Variants in SLC7A6OS observed in about 807,000 individuals in gnomAD.
SLC7A6OS encodes solute carrier family 7 member 6 opposite strand, also known as probable RNA polymerase II nuclear localization protein SLC7A6OS.
Under a neutral mutation model 34.3 loss-of-function variants are expected in SLC7A6OS, and 22 were observed. The ratio of observed to expected loss-of-function variants is 0.64; its 90% CI spans 0.46 to 0.92. The LOEUF (loss-of-function observed/expected upper bound fraction) is 0.92. SLC7A6OS is among the 40% of genes least tolerant of loss of function. The pLI is 0.00. For missense variants in SLC7A6OS, 434 were observed against 407.7 expected (o/e 1.06, Z -0.56); for synonymous variants, 199 against 165.0 (o/e 1.21, Z -1.58).
chr16:68,302,293 G>A, intron 4 of SLC7A6OS, 88 bp downstream of exon 4: 6 of 1,499,518 alleles, frequency 4.0e-6, no homozygotes, highest in Non-Finnish European at 5.5e-6. Flanking sequence ...GACAGAGAAG[G>A]AAAGGCAATT....
rs1464152038 is a variant in SLC7A6OS, at chr16:68,300,506, T to A, written c.*769A>T. The A allele has an allele frequency of 1.6e-6, 1 of 623,328 alleles. No homozygotes were observed. The highest frequency in any genetic ancestry group is 2.0e-6 in the Non-Finnish European group (1 of 499,196). The allele number at this position is 623,328 out of a possible 1,614,324, so 38.6% of individuals were successfully genotyped here. On this transcript the variant is annotated 3_prime_UTR_variant, in exon 5 of 5. Coordinates refer to ENST00000263997, the MANE Select transcript of SLC7A6OS (RefSeq NM_032178.3). Reference sequence around the variant, plus strand: ...AGTTCAGAAGGTACTTTGTTTTTCCTCCCTTGCCTTAAGTCCTTGGTATTT... The same window carrying A: ...AGTTCAGAAGGTACTTTGTTTTTCCACCCTTGCCTTAAGTCCTTGGTATTT...
chr16:68,306,252 CTT>C (rs1456918464), intron 2 of SLC7A6OS, among the ~76,000 whole-genome samples: 3 of 152,082 alleles, frequency 2.0e-5, no homozygotes, highest in Non-Finnish European at 2.9e-5. Context: ...GAGTTTCGCT[CTT>C]GTCACCCAGG....
At position 68,298,878 on chromosome 16, in the gene SLC7A6OS, A is replaced by C. The variant is rs1212101621; in HGVS notation, c.*2397T>G. The stretch of plus-strand genomic sequence containing the variant: ...AGAACCTGCTAGCTTGACATACCCC[A>C]TGGGCTTATCCTTAGGTTTTGGAAT... On this transcript the variant is annotated 3_prime_UTR_variant, in exon 5 of 5. Coordinates refer to ENST00000263997, the MANE Select transcript of SLC7A6OS (RefSeq NM_032178.3). The C allele has an allele frequency of 6.6e-6, 1 of 152,620 alleles. No homozygotes were observed. The highest frequency in any genetic ancestry group is 6.5e-5 in the Admixed American group (1 of 15,272). The allele number at this position is 152,620 out of a possible 1,614,324, so 9.5% of individuals were successfully genotyped here. A position where few individuals can be genotyped will look rare whatever the true frequency, so the allele number is the denominator to read the frequency against.
intron 2 of SLC7A6OS, among the ~76,000 whole-genome samples, chr16:68,307,262 C>T (rs917773583): frequency 9.2e-5 from 14 of 152,192 alleles, no homozygotes; most frequent in Non-Finnish European, 1.6e-4. Flanking sequence ...GTACCTAGCA[C>T]GCTATTTGAC....
rs1319402480 is a variant in SLC7A6OS, at chr16:68,300,995, G to A, written c.*280C>T. 1 of 1,066,996 alleles carries A rather than the reference G, an allele frequency of 9.4e-7. No individual in the cohort carries two copies. Among genetic ancestry groups the A allele is most frequent in the Non-Finnish European group, 1.1e-6 (1 of 883,370 alleles). 66.1% of individuals were successfully genotyped at this position (1,066,996 alleles called of 1,614,324 possible). A position where few individuals can be genotyped will look rare whatever the true frequency, so the allele number is the denominator to read the frequency against. ...CCAGGAAAAATTCCTGGGCCAAGAA[G>A]CTAAAGCTAAAGAAACCTTCCTTTT... On this transcript the variant is annotated 3_prime_UTR_variant, in exon 5 of 5. Coordinates refer to ENST00000263997, the MANE Select transcript of SLC7A6OS (RefSeq NM_032178.3).
In SLC7A6OS at chr16:68,298,543, C is replaced by T. The variant is rs2043214251; in HGVS notation, c.*2732G>A. The T allele has an allele frequency of 6.6e-6, 1 of 152,312 alleles. No homozygotes were observed. Among genetic ancestry groups the T allele is most frequent in the Admixed American group, 6.5e-5 (1 of 15,288 alleles). 9.4% of individuals were successfully genotyped at this position (152,312 alleles called of 1,614,324 possible). A position where few individuals can be genotyped will look rare whatever the true frequency, so the allele number is the denominator to read the frequency against. Reference sequence around the variant, plus strand: ...GTGTGGGTCACCGGGACAGTGTACTCCTCTCCTGCCAGCCTCCCCTTCCCC... The same window carrying T: ...GTGTGGGTCACCGGGACAGTGTACTTCTCTCCTGCCAGCCTCCCCTTCCCC... On this transcript the variant is annotated 3_prime_UTR_variant, in exon 5 of 5. Transcript: ENST00000263997.
rs138348680 is a variant in SLC7A6OS, at chr16:68,310,914, T to G, written c.13A>C (p.Arg5=). The G allele has an allele frequency of 3.8e-6, 6 of 1,586,568 alleles. No homozygotes were observed. In the African/African-American group the frequency reaches 4.0e-5, roughly 11 times the overall value. MEAA[R]TAVLRVKRKR... is the part of the protein sequence containing the mutation. Reference sequence around the variant, plus strand: ...CGCTTCACCCGGAGTACAGCGGTCCTGGCGGCCTCCATAGTGGCTGCCGCT... The same window carrying G: ...CGCTTCACCCGGAGTACAGCGGTCCGGGCGGCCTCCATAGTGGCTGCCGCT... Residue 5 remains arginine, a synonymous_variant, in exon 1 of 5, where the codon AGG becomes CGG. Transcript: ENST00000263997.
chr16:68,308,289 G>A (rs560297250), intron 2 of SLC7A6OS, among the ~76,000 whole-genome samples: 2 of 152,284 alleles, frequency 1.3e-5, no homozygotes, highest in South Asian at 4.1e-4. Context: ...GAATGTTTTG[G>A]TGAAAGATGT....
In SLC7A6OS at chr16:68,299,772, A is replaced by G. The variant is rs1367337629; in HGVS notation, c.*1503T>C. The G allele has an allele frequency of 6.6e-6, 1 of 152,222 alleles. No homozygotes were observed. Among genetic ancestry groups the G allele is most frequent in the Non-Finnish European group, 1.5e-5 (1 of 68,042 alleles). 9.4% of individuals were successfully genotyped at this position (152,222 alleles called of 1,614,324 possible). A position where few individuals can be genotyped will look rare whatever the true frequency, so the allele number is the denominator to read the frequency against. ...GCAAGATGTCTAATATTAGACATAC[A>G]AGTTGCTGCCTGTTATAACGGTGAA... On this transcript the variant is annotated 3_prime_UTR_variant, in exon 5 of 5. Coordinates refer to ENST00000263997, the MANE Select transcript of SLC7A6OS (RefSeq NM_032178.3).
In SLC7A6OS at chr16:68,310,512, C is replaced by T. The variant is rs557683987; in HGVS notation, c.294G>A (p.Arg98=). 1 of 1,582,340 alleles carries T rather than the reference C, an allele frequency of 6.3e-7. No homozygotes were observed. The highest frequency in any genetic ancestry group is 2.3e-5 in the East Asian group (1 of 42,840). The part of the protein sequence containing the change: ...RNLRASAREV[R]QEGRYRVLSS... ...AAAGCACCCGGTAGCGGCCCTCCTG[C>T]CGGACCTCCCGAGCCGAGGCGCGGA... Residue 98 remains arginine (R), a synonymous_variant, in exon 2 of 5, where the codon CGG becomes CGA. Coordinates refer to ENST00000263997, the MANE Select transcript of SLC7A6OS (RefSeq NM_032178.3).
chr16:68,301,569 A>G (rs1257465250), intron 4 of SLC7A6OS, 164 bp from the exon 5 acceptor site: 1 of 543,472 alleles, frequency 1.8e-6, no homozygotes, highest in Non-Finnish European at 3.1e-6. Flanking sequence ...TAAAGAAGGA[A>G]TCACTTTCCT....
At position 68,301,216 on chromosome 16, in the gene SLC7A6OS, A is replaced by G. The variant is rs2043266451; in HGVS notation, c.*59T>C. The stretch of plus-strand genomic sequence containing the variant: ...TAACAGGATGTCAGCAGGGCAGTTA[A>G]CTCTGGACTCAGAGCCCTCAAGGGC... On this transcript the variant is annotated 3_prime_UTR_variant, in exon 5 of 5. Transcript: ENST00000263997. 1.9e-6 allele frequency: 3 copies of G among 1,583,356 alleles called. No homozygotes were observed.
At chr16:68,301,494 GT>G in intron 4 of SLC7A6OS, 89 bp from the exon 5 acceptor site, 1 of 1,121,960 alleles carries the variant, frequency 8.9e-7, no homozygotes, top group Non-Finnish European at 1.3e-6. Flanking sequence ...GTCTGTTTTT[GT>G]TCCCGATTGT....
intron 2 of SLC7A6OS, among the ~76,000 whole-genome samples, chr16:68,305,462 G>C (rs1005927168): frequency 2.6e-5 from 4 of 152,110 alleles, no homozygotes; most frequent in African/African-American, 9.7e-5. Flanking sequence ...TGGTAGCATG[G>C]GTCAGTTTAT....
At position 68,307,704 on chromosome 16, in the gene SLC7A6OS, A is replaced by G. The variant is rs111356153; in HGVS notation, c.471+2631T>C. Among the ~76,000 whole-genome samples the G allele has an allele frequency of 6.2e-3, 939 of 152,250 alleles. 3 individuals carry two copies. The highest frequency in any genetic ancestry group is 9.3e-3 in the Non-Finnish European group (632 of 68,030). On this transcript the variant is annotated intron_variant, in intron 2 of 4. Transcript: ENST00000263997. ...TAATCATTGCCTTGCCAGCATTGCT[A>G]TCAACTACTTTTTTCCTGCTAGTCT... is the stretch of plus-strand genomic sequence containing the variant.
Position 68,310,784 on chromosome 16 carries a change from C to T in SLC7A6OS, c.143G>A (p.Arg48Lys), listed in dbSNP as rs200733664. The change falls in exon 1 of 5, where the codon AGA (arginine) becomes AAA (lysine). Residue 48 changes from arginine to lysine, a missense_variant. Arg to Lys is a conservative substitution (Grantham distance 26). Coordinates refer to ENST00000263997, the MANE Select transcript of SLC7A6OS (RefSeq NM_032178.3). ...GTGGAAGACATTATTCTCCGCCGCT[C>T]TCTCCAAACCCTCCGACGTCTTCTG... ...AAQKTSEGLE[R>K]AAENNVFHLV... 7.6e-5 allele frequency: 122 copies of T among 1,613,712 alleles called. No homozygotes were observed. The Middle Eastern group carries it at 9.9e-4, about 13-fold the overall frequency.
intron 3 of SLC7A6OS, 119 bp from the exon 4 acceptor site, chr16:68,302,620 G>A (rs2043292971): frequency 6.0e-6 from 7 of 1,167,376 alleles, no homozygotes; most frequent in Non-Finnish European, 8.8e-6. Flanking sequence ...TGAAAAAACT[G>A]CAGACTAGTA....
At chr16:68,304,324 C>T (rs945952028) in intron 2 of SLC7A6OS, 92 bp from the exon 3 acceptor site, 4 of 1,191,214 alleles carry the variant, frequency 3.4e-6, no homozygotes, top group Middle Eastern at 2.0e-4. Flanking sequence ...AGGAAGGCTC[C>T]CTACAGTTTT....
chr16:68,302,984 C>T (rs1418053886), intron 3 of SLC7A6OS, among the ~76,000 whole-genome samples: 1 of 152,334 alleles, frequency 6.6e-6, no homozygotes, highest in African/African-American at 2.4e-5. Context: ...TGAGAATAGG[C>T]TGGGCGCGGT....
Sources: gnomAD v4.1 joint callset for allele counts (sites outside exome capture counted in the v4.1 genomes callset) on GRCh38, gnomAD v4.1.1 for gene constraint, MANE v1.5 for transcripts, NCBI Gene and HGNC (gene_info 2026-07-23, HGNC 2026-07-21) for gene names.